Variants in DACH1 observed in about 807,000 individuals in gnomAD.
The protein encoded by DACH1 is dachshund homolog 1.
A neutral mutation model predicts 54.2 loss-of-function variants in DACH1; 12 were observed. The ratio of observed to expected loss-of-function variants is 0.22; its 90% CI spans 0.14 to 0.36. The LOEUF is 0.36. Ranked by LOEUF, DACH1 falls within the 10% of genes least tolerant of loss-of-function variation. DACH1 has a pLI of 1.00. For synonymous variants in DACH1, 386 were observed against 366.2 expected (o/e 1.05, Z -0.62); for missense variants, 805 against 929.8 (o/e 0.87, Z 1.75).
chr13:71,656,399 C>A (rs185317546), intron 2 of DACH1, among the ~76,000 whole-genome samples: 1 of 152,080 alleles, frequency 6.6e-6, no homozygotes, highest in African/African-American at 2.4e-5. Context: ...CTGAATAGGG[C>A]ATCTGGTCAA....
At chr13:71,450,249 G>A (rs1874914598) in intron 10 of DACH1, among the ~76,000 whole-genome samples, 1 of 151,634 alleles carries the variant, frequency 6.6e-6, no homozygotes, top group South Asian at 2.1e-4. Context: ...CCGCACTGGG[G>A]AAATGCTCAC....
chr13:71,555,251 C>T lies in DACH1; in HGVS notation c.1570+1773G>A, dbSNP rs190922682. ...ACCCTAGTGGAGAATGATTGTGACACCCATACATTTAATTATTATATTTAA... is the reference window on the plus strand; with the variant it reads ...ACCCTAGTGGAGAATGATTGTGACATCCATACATTTAATTATTATATTTAA... On this transcript the variant is annotated intron_variant, in intron 6 of 10. Transcript: ENST00000613252. Among the ~76,000 whole-genome samples the T allele has an allele frequency of 5.5e-3, 836 of 152,182 alleles. 6 individuals carry two copies. The highest frequency in any genetic ancestry group is 0.019 in the African/African-American group (796 of 41,534).
intron 1 of DACH1, among the ~76,000 whole-genome samples, chr13:71,691,040 C>A (rs1881452418): frequency 6.6e-6 from 1 of 152,206 alleles, no homozygotes; most frequent in African/African-American, 2.4e-5. Flanking sequence ...ATATTCACAG[C>A]AATTACTATT....
intron 1 of DACH1, among the ~76,000 whole-genome samples, chr13:71,717,324 T>C (rs999903763): frequency 6.6e-6 from 1 of 152,160 alleles, no homozygotes; most frequent in African/African-American, 2.4e-5. Flanking sequence ...TATCTCACTG[T>C]ACCAGTAAGT....
chr13:71,584,936 C>T (rs1407797915), intron 3 of DACH1, among the ~76,000 whole-genome samples: 1 of 151,974 alleles, frequency 6.6e-6, no homozygotes, highest in Non-Finnish European at 1.5e-5. Flanking sequence ...ATATATCCAG[C>T]ATGCTATGGT....
chr13:71,547,326 T>C (rs1883525890), intron 6 of DACH1, among the ~76,000 whole-genome samples: 1 of 152,080 alleles, frequency 6.6e-6, no homozygotes, highest in Admixed American at 6.6e-5. Flanking sequence ...ACCTTAACAG[T>C]AAATTAGGAA....
chr13:71,749,131 C>T (rs909334080), intron 1 of DACH1, among the ~76,000 whole-genome samples: 2 of 151,660 alleles, frequency 1.3e-5, no homozygotes, highest in African/African-American at 4.8e-5. Context: ...ATTACAGGTG[C>T]CTGCCACCAT....
intron 6 of DACH1, among the ~76,000 whole-genome samples, chr13:71,538,030 C>A (rs569160778): frequency 4.7e-4 from 72 of 151,986 alleles, no homozygotes; most frequent in Non-Finnish European, 7.8e-4. Flanking sequence ...TTTCGATGAA[C>A]CCTTTTCTAC....
At chr13:71,530,690 G>T (rs1347656104) in intron 6 of DACH1, among the ~76,000 whole-genome samples, 2 of 151,908 alleles carry the variant, frequency 1.3e-5, no homozygotes, top group Non-Finnish European at 2.9e-5. Context: ...AAAAAGACAA[G>T]CAAATTACAT....
chr13:71,611,428 T>G (rs1201518766), intron 3 of DACH1, among the ~76,000 whole-genome samples: 3 of 152,300 alleles, frequency 2.0e-5, no homozygotes, highest in East Asian at 3.9e-4. Flanking sequence ...GAAGAATAAG[T>G]GTTAAGGCTT....
intron 10 of DACH1, among the ~76,000 whole-genome samples, chr13:71,458,669 A>G (rs1875803683): frequency 6.6e-6 from 1 of 151,912 alleles, no homozygotes; most frequent in African/African-American, 2.4e-5. Flanking sequence ...TATTGTATAG[A>G]GTATATTGGC....
rs146999698 is a variant in DACH1 at position 71,588,719 on chromosome 13, C to G, written c.1127-15707G>C. On this transcript the variant is annotated intron_variant, in intron 3 of 10. Transcript: ENST00000613252. ...AAGTGAAATTACTGACCAATTCTTA[C>G]AATAGAAACACTAAGCCATTAAATG... 1.9e-3 allele frequency among the ~76,000 whole-genome samples: 293 copies of G among 151,930 alleles called. 1 individual carries two copies. Among genetic ancestry groups the G allele is most frequent in the African/African-American group, 6.6e-3 (276 of 41,518 alleles).
At chr13:71,610,762 AG>A (rs1875270482) in intron 3 of DACH1, among the ~76,000 whole-genome samples, 1 of 152,184 alleles carries the variant, frequency 6.6e-6, no homozygotes, top group African/African-American at 2.4e-5. Flanking sequence ...GTAAACAAGA[AG>A]AAAAAGGATC....
intron 1 of DACH1, among the ~76,000 whole-genome samples, chr13:71,752,199 G>C (rs143566388): frequency 2.6e-3 from 403 of 152,222 alleles, no homozygotes; most frequent in Admixed American, 4.2e-3. Context: ...TGCTCTGAAA[G>C]CTCCTTCTGA....
chr13:71,774,293 A>G (rs1274171422), intron 1 of DACH1, among the ~76,000 whole-genome samples: 1 of 152,148 alleles, frequency 6.6e-6, no homozygotes, highest in African/African-American at 2.4e-5. Context: ...AATTATCTTC[A>G]TATTTTACAC....
rs563253061 is a variant in DACH1 at position 71,578,452 on chromosome 13, T to G, written c.1127-5440A>C. ...GTGAGAGAATAAACAAGTTATTATC[T>G]TTTAGTGGATTAAGTTCACTCTATT... On this transcript the variant is annotated intron_variant, in intron 3 of 10. Coordinates refer to ENST00000613252, the MANE Select transcript of DACH1 (RefSeq NM_080759.6). 1.9e-4 allele frequency among the ~76,000 whole-genome samples: 29 copies of G among 152,330 alleles called. No homozygotes were observed. The South Asian group carries it at 3.9e-3, about 21-fold the overall frequency.
chr13:71,613,981 C>A (rs966405536), intron 3 of DACH1, among the ~76,000 whole-genome samples: 2 of 152,162 alleles, frequency 1.3e-5, no homozygotes, highest in Non-Finnish European at 2.9e-5. Flanking sequence ...AGCCACCACG[C>A]CCAGCATCTG....
Position 71,762,508 on chromosome 13 carries a change from G to A in DACH1, c.849-80598C>T, listed in dbSNP as rs959351048. On this transcript the variant is annotated intron_variant, in intron 1 of 10. Transcript: ENST00000613252. ...GCGTGGTGGCTCACTTTGGGAGGCC[G>A]AGGCGAGCAGCACTTTGGGAGGCCA... Among the ~76,000 whole-genome samples, 14 of 151,894 alleles carry A rather than the reference G, an allele frequency of 9.2e-5. No individual in the cohort carries two copies. In the South Asian group the frequency reaches 1.0e-3, roughly 11 times the overall value.
intron 2 of DACH1, among the ~76,000 whole-genome samples, chr13:71,642,191 A>G (rs1877959607): frequency 9.2e-5 from 14 of 152,214 alleles, no homozygotes; most frequent in Admixed American, 9.2e-4. Context: ...TTTATACCGT[A>G]CCATGAGATT....
Sources: gnomAD v4.1 joint callset for allele counts (sites outside exome capture counted in the v4.1 genomes callset) on GRCh38, gnomAD v4.1.1 for gene constraint, MANE v1.5 for transcripts, NCBI Gene and HGNC (gene_info 2026-07-23, HGNC 2026-07-21) for gene names.